The following GRM5 variants were observed in gnomAD, a reference collection of about 807,000 sequenced individuals.
The protein encoded by GRM5 is glutamate metabotropic receptor 5, also known as metabotropic glutamate receptor 5.
A neutral mutation model predicts 83.1 loss-of-function variants in GRM5; 19 were observed. The ratio of observed to expected loss-of-function variants is 0.23; its 90% confidence interval spans 0.16 to 0.34. The LOEUF is 0.34. GRM5 is among the 10% of genes least tolerant of loss of function. GRM5 has a pLI of 1.00. For missense variants in GRM5, 1,160 were observed against 1,588.3 expected (o/e 0.73, Z 4.58); for synonymous variants, 675 against 633.6 (o/e 1.07, Z -0.98).
At chr11:88,815,692 C>T (rs1943663705) in intron 3 of GRM5, among the ~76,000 whole-genome samples, 1 of 152,146 alleles carries the variant, frequency 6.6e-6, no homozygotes, top group Non-Finnish European at 1.5e-5. Flanking sequence ...AGGTGTTAGC[C>T]TCTTTTTAAC....
intron 2 of GRM5, among the ~76,000 whole-genome samples, chr11:88,857,144 C>G (rs1031241785): frequency 2.0e-5 from 3 of 151,976 alleles, no homozygotes; most frequent in African/African-American, 7.2e-5. Flanking sequence ...ATTGGTCAAA[C>G]AGTGTAACTA....
chr11:88,980,919 A>C (rs1327489725), intron 2 of GRM5, among the ~76,000 whole-genome samples: 1 of 152,198 alleles, frequency 6.6e-6, no homozygotes, highest in Non-Finnish European at 1.5e-5. Flanking sequence ...TGGTGATGTA[A>C]AATATCATTA....
At chr11:88,891,643 G>A (rs772989185) in intron 2 of GRM5, among the ~76,000 whole-genome samples, 4 of 140,092 alleles carry the variant, frequency 2.9e-5, no homozygotes, top group Non-Finnish European at 6.2e-5. Context: ...TGTAAACCAC[G>A]GAGATAACTA....
At chr11:89,023,097 C>A (rs1018502060) in intron 2 of GRM5, among the ~76,000 whole-genome samples, 3 of 152,018 alleles carry the variant, frequency 2.0e-5, no homozygotes, top group Non-Finnish European at 2.9e-5. Flanking sequence ...TATCACTGCA[C>A]CCTCCTGTAC....
chr11:88,579,287 T>C (rs1943178549), intron 7 of GRM5, among the ~76,000 whole-genome samples: 1 of 152,118 alleles, frequency 6.6e-6, no homozygotes, highest in South Asian at 2.1e-4. Context: ...GAATATTCAT[T>C]GAATATCTAC....
Position 88,618,493 on chromosome 11 carries a change from C to T in GRM5, c.1148-13529G>A, listed in dbSNP as rs1504092. Among the ~76,000 whole-genome samples the T allele has an allele frequency of 4.0e-3, 609 of 151,886 alleles. 12 individuals are homozygous for T. The East Asian group carries it at 0.066, about 17-fold the overall frequency. ...TCATTAAATAATTTATTAGTTGACTCATTCAGAGATTAAGTCATTGATTAA... is the reference window on the plus strand; with the variant it reads ...TCATTAAATAATTTATTAGTTGACTTATTCAGAGATTAAGTCATTGATTAA... On this transcript the variant is annotated intron_variant, in intron 4 of 9. Coordinates refer to ENST00000305447, the MANE Select transcript of GRM5 (RefSeq NM_001143831.3).
intron 2 of GRM5, among the ~76,000 whole-genome samples, chr11:88,877,962 A>C (rs1944887680): frequency 6.6e-6 from 1 of 152,174 alleles, no homozygotes; most frequent in African/African-American, 2.4e-5. Context: ...ATATGTAACT[A>C]ACCTGCACAT....
At chr11:88,541,345 T>C (rs1334923288) in intron 8 of GRM5, among the ~76,000 whole-genome samples, 1 of 152,192 alleles carries the variant, frequency 6.6e-6, no homozygotes, top group African/African-American at 2.4e-5. Context: ...TTATAGATAT[T>C]AGGAATTTAT....
At chr11:88,687,088 C>T (rs1940646399) in intron 3 of GRM5, among the ~76,000 whole-genome samples, 1 of 152,104 alleles carries the variant, frequency 6.6e-6, no homozygotes, top group Non-Finnish European at 1.5e-5. Context: ...CAAAGCCTTC[C>T]TTCATCCTAC....
chr11:88,891,613 A>AATCG (rs1945145413), intron 2 of GRM5, among the ~76,000 whole-genome samples: 1 of 99,670 alleles, frequency 1.0e-5, no homozygotes, highest in Admixed American at 1.2e-4. Flanking sequence ...CTAATGTCTC[A>AATCG]TAATTAATTT....
At chr11:88,531,034 G>A (rs1220114424) in intron 8 of GRM5, among the ~76,000 whole-genome samples, 1 of 152,086 alleles carries the variant, frequency 6.6e-6, no homozygotes, top group Non-Finnish European at 1.5e-5. Context: ...GAAGTTGGCA[G>A]TAAACAGTAG....
chr11:88,829,068 C>A (rs1309129695), intron 3 of GRM5, among the ~76,000 whole-genome samples: 1 of 151,722 alleles, frequency 6.6e-6, no homozygotes, highest in Non-Finnish European at 1.5e-5. Context: ...TAAAGACCAA[C>A]AATATTTAAG....
chr11:88,820,822 A>G (rs1943776243), intron 3 of GRM5, among the ~76,000 whole-genome samples: 2 of 152,226 alleles, frequency 1.3e-5, no homozygotes, highest in African/African-American at 4.8e-5. Context: ...ATTCCTAAAC[A>G]TATAATACAA....
chr11:88,877,685 TG>T (rs549998025), intron 2 of GRM5, among the ~76,000 whole-genome samples: 109 of 151,952 alleles, frequency 7.2e-4, no homozygotes, highest in Middle Eastern at 3.4e-3. Context: ...TAGCTGGGCA[TG>T]GTGGCACATG....
intron 3 of GRM5, among the ~76,000 whole-genome samples, chr11:88,730,756 A>T (rs1941789393): frequency 6.6e-6 from 1 of 152,170 alleles, no homozygotes; most frequent in African/African-American, 2.4e-5. Context: ...TTCTCAGCAA[A>T]CGAACACACG....
At chr11:88,991,510 T>C (rs1281323729) in intron 2 of GRM5, among the ~76,000 whole-genome samples, 2 of 151,596 alleles carry the variant, frequency 1.3e-5, no homozygotes, top group Non-Finnish European at 2.9e-5. Context: ...TGGAAAAAAC[T>C]ACTTTAAAGT....
chr11:88,881,484 T>G (rs1376284442), intron 2 of GRM5, among the ~76,000 whole-genome samples: 1 of 142,766 alleles, frequency 7.0e-6, no homozygotes, highest in Non-Finnish European at 1.5e-5. Flanking sequence ...ATCAAAAGAA[T>G]CTGAAAACTT....
chr11:89,001,674 A>C (rs1291920246), intron 2 of GRM5, among the ~76,000 whole-genome samples: 1 of 152,104 alleles, frequency 6.6e-6, no homozygotes, highest in East Asian at 1.9e-4. Context: ...AGTTTTGTAA[A>C]AGGTTACCAT....
chr11:88,646,083 T>A (rs1050730829), intron 4 of GRM5, among the ~76,000 whole-genome samples: 2 of 152,060 alleles, frequency 1.3e-5, no homozygotes, highest in African/African-American at 4.8e-5. Context: ...CTGTTTGTTG[T>A]CTTAAGTGAC....
Sources: gnomAD v4.1 joint callset for allele counts (sites outside exome capture counted in the v4.1 genomes callset) on GRCh38, gnomAD v4.1.1 for gene constraint, MANE v1.5 for transcripts, NCBI Gene and HGNC (gene_info 2026-07-23, HGNC 2026-07-21) for gene names.